UBE2W: variants seen among roughly 807,000 people sequenced by gnomAD.
The protein encoded by UBE2W is ubiquitin conjugating enzyme E2 W, also known as ubiquitin-conjugating enzyme E2 W.
In UBE2W, 18 loss-of-function variants were observed where a neutral mutation model predicts 27.2. That is an observed-to-expected ratio of 0.66 (90% CI 0.46 to 0.98). The LOEUF is 0.98. Among genes scored for constraint, UBE2W ranks in the 50% least tolerant of loss-of-function variants. UBE2W has a pLI of 0.00. For missense variants in UBE2W, 90 were observed against 180.2 expected (o/e 0.50, Z 2.87); for synonymous variants, 53 against 57.2 (o/e 0.93, Z 0.33).
chr8:73,807,049 G>A (rs765302813), intron 4 of UBE2W, among the ~76,000 whole-genome samples: 3 of 152,106 alleles, frequency 2.0e-5, no homozygotes, highest in Non-Finnish European at 4.4e-5. Flanking sequence ...ATACTGCCTA[G>A]ACAAAAGAAA....
chr8:73,791,872 G>A lies in UBE2W; in HGVS notation c.*2230C>T. On this transcript the variant is annotated 3_prime_UTR_variant, in exon 6 of 6. Coordinates refer to ENST00000602593, the MANE Select transcript of UBE2W (RefSeq NM_018299.6). Reference sequence around the variant, plus strand: ...ACTTTATGGTATTTATATGTAGAGAGAGAGGTATGTTAAAATATTGTCATA... The same window carrying A: ...ACTTTATGGTATTTATATGTAGAGAAAGAGGTATGTTAAAATATTGTCATA... 1 of 984,542 alleles carries A rather than the reference G, an allele frequency of 1.0e-6. No homozygotes were observed. Among genetic ancestry groups the A allele is most frequent in the Non-Finnish European group, 1.2e-6 (1 of 829,160 alleles). The allele number at this position is 984,542 out of a possible 1,614,324, so 61.0% of individuals were successfully genotyped here.
At chr8:73,858,360 CAA>C (rs10538314) in intron 1 of UBE2W, among the ~76,000 whole-genome samples, 431 of 90,346 alleles carry the variant, frequency 4.8e-3, no homozygotes, top group African/African-American at 0.012. Flanking sequence ...GACTTCATCT[CAA>C]AAAAAAAAAA....
At chr8:73,810,271 C>T (rs555836879) in intron 4 of UBE2W, among the ~76,000 whole-genome samples, 43 of 152,220 alleles carry the variant, frequency 2.8e-4, no homozygotes, top group African/African-American at 1.0e-3. Flanking sequence ...CTGGCTTCTA[C>T]CCCATTCAAC....
In UBE2W at chr8:73,805,455, A is replaced by AAAAAAAAAACAAAAAAC. The variant is rs1808838872; in HGVS notation, c.442+195_442+196insGTTTTTTGTTTTTTTTT. On this transcript the variant is annotated intron_variant, in intron 5 of 5. Transcript: ENST00000602593. ...GGCAACAAGAGCAAAACTCCATCTC[A>AAAAAAAAAACAAAAAAC]AAAAAAAAAAAAAAAACAAAAAAAA... 4.2e-3 allele frequency among the ~76,000 whole-genome samples: 123 copies of AAAAAAAAAACAAAAAAC among 29,566 alleles called. 7 individuals carry two copies. Among genetic ancestry groups the AAAAAAAAAACAAAAAAC allele is most frequent in the Non-Finnish European group, 9.4e-3 (107 of 11,378 alleles). The allele number at this position is 29,566 out of a possible 152,430, so 19.4% of individuals were successfully genotyped here.
chr8:73,836,125 C>T (rs879682202), intron 1 of UBE2W, among the ~76,000 whole-genome samples: 2 of 152,178 alleles, frequency 1.3e-5, no homozygotes, highest in Non-Finnish European at 2.9e-5. Flanking sequence ...GCTCCATCCT[C>T]CCCTCCATCC....
intron 1 of UBE2W, among the ~76,000 whole-genome samples, chr8:73,865,527 G>C (rs139852679): frequency 3.9e-5 from 6 of 152,152 alleles, no homozygotes; most frequent in Non-Finnish European, 8.8e-5. Context: ...TGGGAGAATC[G>C]CTTGGGTCCA....
chr8:73,831,148 C>A, intron 1 of UBE2W: 1 of 430,866 alleles, frequency 2.3e-6, no homozygotes, highest in Non-Finnish European at 4.3e-6. Flanking sequence ...AATAGTAGTT[C>A]TGGCAGCAGC....
downstream of UBE2W, among the ~76,000 whole-genome samples, chr8:73,785,484 C>T (rs1342572412): frequency 6.6e-6 from 1 of 152,174 alleles, no homozygotes; most frequent in Non-Finnish European, 1.5e-5. Flanking sequence ...GGTACACGTG[C>T]AGGTTGGTTA....
At chr8:73,798,286 G>T (rs763336395) in intron 5 of UBE2W, among the ~76,000 whole-genome samples, 220 of 152,248 alleles carry the variant, frequency 1.4e-3, no homozygotes, top group Non-Finnish European at 2.4e-3. Context: ...GACAGAGTGA[G>T]ATTCTGTCTC....
intron 3 of UBE2W, among the ~76,000 whole-genome samples, chr8:73,816,867 C>G (rs991342876): frequency 6.6e-6 from 1 of 152,110 alleles, no homozygotes. Context: ...AACCTTGTCT[C>G]TAACAAAAAT....
At chr8:73,870,142 G>T (rs1811942181) in intron 1 of UBE2W, 1 of 986,796 alleles carries the variant, frequency 1.0e-6, no homozygotes, top group Non-Finnish European at 1.5e-6. Context: ...TTTATATGTG[G>T]ATTATATTTC....
chr8:73,817,467 G>T (rs928718317), intron 3 of UBE2W, among the ~76,000 whole-genome samples: 3 of 152,202 alleles, frequency 2.0e-5, no homozygotes, highest in Non-Finnish European at 4.4e-5. Flanking sequence ...CTTGGATATA[G>T]AAAGGAAAAG....
At chr8:73,848,155 C>T (rs955176079) in intron 1 of UBE2W, among the ~76,000 whole-genome samples, 1 of 151,850 alleles carries the variant, frequency 6.6e-6, no homozygotes, top group East Asian at 1.9e-4. Context: ...GAGCCAAGAT[C>T]GTGCCATTGC....
intron 1 of UBE2W, among the ~76,000 whole-genome samples, chr8:73,873,663 A>G (rs1812101439): frequency 6.6e-6 from 1 of 152,108 alleles, no homozygotes; most frequent in Admixed American, 6.6e-5. Context: ...CTCAGAGAGA[A>G]AAAATTTTAA....
At chr8:73,866,284 AAAAAAAATAT>A (rs1259101806) in intron 1 of UBE2W, among the ~76,000 whole-genome samples, 3 of 95,314 alleles carry the variant, frequency 3.1e-5, no homozygotes, top group East Asian at 2.5e-4. Flanking sequence ...AAAAAAAAAA[AAAAAAAATAT>A]ATATATATAT....
In UBE2W at chr8:73,791,580, C is replaced by T. The variant is rs1002279829; in HGVS notation, c.*2522G>A. ...CAGAGAAATATTCTTTTTATTATTA[C>T]AAGCCATTAATTGCTCTCTGTAGAG... On this transcript the variant is annotated 3_prime_UTR_variant, in exon 6 of 6. Transcript: ENST00000602593. The T allele has an allele frequency of 2.0e-6, 2 of 985,026 alleles. No individual in the cohort carries two copies. Among genetic ancestry groups the T allele is most frequent in the Admixed American group, 6.2e-5 (1 of 16,232 alleles). 61.0% of individuals were successfully genotyped at this position (985,026 alleles called of 1,614,324 possible).
intron 5 of UBE2W, among the ~76,000 whole-genome samples, chr8:73,802,064 G>A (rs1808668636): frequency 6.6e-6 from 1 of 152,192 alleles, no homozygotes; most frequent in Admixed American, 6.5e-5. Flanking sequence ...GTACTACACT[G>A]AATATTTCAT....
intron 2 of UBE2W, among the ~76,000 whole-genome samples, chr8:73,829,972 C>T (rs1186364706): frequency 1.3e-5 from 2 of 152,056 alleles, no homozygotes; most frequent in South Asian, 2.1e-4. Flanking sequence ...CTGTACAGGA[C>T]GCAATTGATG....
chr8:73,856,332 AT>A (rs1811296167), intron 1 of UBE2W, among the ~76,000 whole-genome samples: 1 of 150,662 alleles, frequency 6.6e-6, no homozygotes, highest in Non-Finnish European at 1.5e-5. Context: ...CCACTTAAAC[AT>A]AGACAAATTA....
Sources: allele counts gnomAD v4.1 joint callset (sites outside exome capture counted in the v4.1 genomes callset), GRCh38; gene constraint gnomAD v4.1.1; transcripts MANE v1.5; gene names NCBI Gene and HGNC (gene_info 2026-07-23, HGNC 2026-07-21).